The following RAB23 variants were observed in gnomAD, a reference collection of about 807,000 sequenced individuals.
RAB23 encodes the protein ras-related protein Rab-23.
RAB23 carries 15 observed loss-of-function variants against 30.0 expected under a neutral mutation model. That is an observed-to-expected ratio of 0.50 (90% CI 0.33 to 0.77). The LOEUF is 0.77. Ranked by LOEUF, RAB23 falls within the 30% of genes least tolerant of loss-of-function variation. The pLI is 0.02. For missense variants in RAB23, 243 were observed against 275.4 expected (o/e 0.88, Z 0.83); for synonymous variants, 93 against 94.0 (o/e 0.99, Z 0.06).
intron 3 of RAB23, among the ~76,000 whole-genome samples, chr6:57,203,000 GTTTTTTTT>G (rs1170559704): frequency 7.3e-5 from 6 of 82,600 alleles, no homozygotes; most frequent in African/African-American, 2.8e-4. Flanking sequence ...AAGATAGGCT[GTTTTTTTT>G]TTTTTTTTTT....
intron 6 of RAB23, among the ~76,000 whole-genome samples, chr6:57,192,311 T>C (rs1200600599): frequency 2.0e-5 from 3 of 152,236 alleles, no homozygotes; most frequent in African/African-American, 7.2e-5. Flanking sequence ...CAATTTATGA[T>C]ATAGCATCCA....
intron 3 of RAB23, 81 bp from the exon 4 acceptor site, chr6:57,196,687 T>C (rs1441012723): frequency 6.5e-7 from 1 of 1,540,510 alleles, no homozygotes; most frequent in East Asian, 2.4e-5. Context: ...AACAATCTCA[T>C]GAAGAATGGG....
intron 6 of RAB23, among the ~76,000 whole-genome samples, chr6:57,191,823 G>C (rs1232201503): frequency 6.6e-6 from 1 of 151,752 alleles, no homozygotes; most frequent in African/African-American, 2.4e-5. Context: ...GTTAACAACA[G>C]TAACAACAGT....
intron 4 of RAB23, among the ~76,000 whole-genome samples, chr6:57,195,741 G>A (rs1193301202): frequency 2.0e-5 from 3 of 152,202 alleles, no homozygotes; most frequent in South Asian, 2.1e-4. Context: ...TAGCCTTTCC[G>A]TGAGAACAGG....
intron 1 of RAB23, 145 bp from the exon 2 acceptor site, chr6:57,210,590 T>C (rs1452935434): frequency 8.1e-6 from 5 of 619,664 alleles, no homozygotes. Context: ...TAATGTAAAC[T>C]CTTTGAAAGG....
Position 57,190,270 on chromosome 6 carries a change from G to A in RAB23, c.*191C>T. ...TAAAAAAAATTAAAGGAGTCCACAG[G>A]GCAATAATTTTTCCACCAGAGGTCT... On this transcript the variant is annotated 3_prime_UTR_variant, in exon 7 of 7. Transcript: ENST00000468148. 1.6e-6 allele frequency: 1 copy of A among 624,096 alleles called. No individual in the cohort carries two copies. Among genetic ancestry groups the A allele is most frequent in the Middle Eastern group, 4.5e-4 (1 of 2,212 alleles). The allele number at this position is 624,096 out of a possible 1,614,324, so 38.7% of individuals were successfully genotyped here.
At chr6:57,202,553 T>G (rs976612678) in intron 3 of RAB23, among the ~76,000 whole-genome samples, 4 of 152,326 alleles carry the variant, frequency 2.6e-5, no homozygotes, top group Non-Finnish European at 5.9e-5. Context: ...TCATTGCTCC[T>G]GGTGATAATC....
chr6:57,188,233 A>G lies in RAB23; in HGVS notation c.*2228T>C, dbSNP rs940934891. 6.6e-6 allele frequency: 1 copy of G among 152,206 alleles called. No individual in the cohort carries two copies. The highest frequency in any genetic ancestry group is 6.5e-5 in the Admixed American group (1 of 15,292). The allele number at this position is 152,206 out of a possible 1,614,324, so 9.4% of individuals were successfully genotyped here. A position where few individuals can be genotyped will look rare whatever the true frequency, so the allele number is the denominator to read the frequency against. On this transcript the variant is annotated 3_prime_UTR_variant, in exon 7 of 7. Transcript: ENST00000468148. ...AAGGCTTTAAGAATTGATTAAATTG[A>G]GAAATTAACATGGCTGACTTTCAGG...
At chr6:57,214,972 T>C (rs1442247792) in intron 1 of RAB23, among the ~76,000 whole-genome samples, 2 of 152,084 alleles carry the variant, frequency 1.3e-5, no homozygotes, top group African/African-American at 2.4e-5. Flanking sequence ...GTCTCAAAAA[T>C]AAACAGAAGA....
rs1766087981 is a variant in RAB23 at position 57,222,135 on chromosome 6, G to A, written c.-475C>T. ...ACGCGCCAGCTCTCCCTGCGGGGCC[G>A]AGCGGCTAGTTCGCACCCTCTTTCG... On this transcript the variant is annotated 5_prime_UTR_variant, in exon 1 of 7. Coordinates refer to ENST00000468148, the MANE Select transcript of RAB23 (RefSeq NM_016277.5). The A allele has an allele frequency of 6.6e-6, 1 of 152,234 alleles. No individual in the cohort carries two copies. Among genetic ancestry groups the A allele is most frequent in the African/African-American group, 2.4e-5 (1 of 41,468 alleles). 9.4% of individuals were successfully genotyped at this position (152,234 alleles called of 1,614,324 possible).
chr6:57,220,451 T>C (rs878959507), intron 1 of RAB23, among the ~76,000 whole-genome samples: 1 of 152,332 alleles, frequency 6.6e-6, no homozygotes, highest in East Asian at 1.9e-4. Context: ...CTGTACATGG[T>C]ATTTATAGCA....
At chr6:57,213,553 T>C (rs912255775) in intron 1 of RAB23, among the ~76,000 whole-genome samples, 1 of 152,154 alleles carries the variant, frequency 6.6e-6, no homozygotes, top group African/African-American at 2.4e-5. Context: ...AAAAATCTTA[T>C]CACATTTTAT....
intron 6 of RAB23, among the ~76,000 whole-genome samples, chr6:57,192,339 G>A (rs1365696194): frequency 6.6e-6 from 1 of 152,018 alleles, no homozygotes; most frequent in African/African-American, 2.4e-5. Context: ...CAAAATTCTG[G>A]GCCAGAGATA....
intron 1 of RAB23, among the ~76,000 whole-genome samples, chr6:57,213,854 C>G (rs952496475): frequency 6.6e-6 from 1 of 151,852 alleles, no homozygotes; most frequent in Admixed American, 6.6e-5. Context: ...GTCAAAGGAC[C>G]AGGAAAGGGG....
chr6:57,193,776 G>T (rs772920599), intron 6 of RAB23, 66 bp downstream of exon 6: 94 of 1,563,414 alleles, frequency 6.0e-5, no homozygotes, highest in Non-Finnish European at 7.7e-5. Flanking sequence ...TGAAAGAAAT[G>T]AGCATATTAT....
chr6:57,196,367 G>C, intron 4 of RAB23, 83 bp downstream of exon 4: 1 of 1,514,940 alleles, frequency 6.6e-7, no homozygotes, highest in Non-Finnish European at 9.1e-7. Flanking sequence ...ATTTTTCCTA[G>C]AACCTGTAAA....
chr6:57,210,462 A>C lies in RAB23; in HGVS notation c.-65-17T>G. 1 of 1,431,850 alleles carries C rather than the reference A, an allele frequency of 7.0e-7. No homozygotes were observed. The highest frequency in any genetic ancestry group is 9.8e-7 in the Non-Finnish European group (1 of 1,021,604). The allele number at this position is 1,431,850 out of a possible 1,614,324, so 88.7% of individuals were successfully genotyped here. On this transcript the variant is annotated splice_polypyrimidine_tract_variant and intron_variant, in intron 1 of 6. Coordinates refer to ENST00000468148, the MANE Select transcript of RAB23 (RefSeq NM_016277.5). ...CTCTCAAATCTGTGGTTTAAAATGAAATTATTTTTTCATAACACAAAAATG... is the reference window on the plus strand; with the variant it reads ...CTCTCAAATCTGTGGTTTAAAATGACATTATTTTTTCATAACACAAAAATG...
chr6:57,193,385 CAAG>C (rs1441501509), intron 6 of RAB23, among the ~76,000 whole-genome samples: 1 of 152,148 alleles, frequency 6.6e-6, no homozygotes, highest in Non-Finnish European at 1.5e-5. Flanking sequence ...GAATCCAGAA[CAAG>C]AAGAGAGACA....
chr6:57,194,547 T>A (rs1479590574), intron 5 of RAB23, among the ~76,000 whole-genome samples: 1 of 152,018 alleles, frequency 6.6e-6, no homozygotes, highest in Non-Finnish European at 1.5e-5. Context: ...TTTTCAAAGA[T>A]AATAATAAAA....
Sources: allele counts gnomAD v4.1 joint callset (sites outside exome capture counted in the v4.1 genomes callset), GRCh38; gene constraint gnomAD v4.1.1; transcripts MANE v1.5; gene names NCBI Gene and HGNC (gene_info 2026-07-23, HGNC 2026-07-21).